CACNB3: variants seen among roughly 807,000 people sequenced by gnomAD.
CACNB3 encodes calcium voltage-gated channel auxiliary subunit beta 3.
A neutral mutation model predicts 63.7 loss-of-function variants in CACNB3; 36 were observed. The ratio of observed to expected loss-of-function variants is 0.57; its 90% CI spans 0.43 to 0.75. The LOEUF (loss-of-function observed/expected upper bound fraction) is 0.75. Ranked by LOEUF, CACNB3 falls within the 30% of genes least tolerant of loss-of-function variation. The pLI is 0.00. For synonymous variants in CACNB3, 241 were observed against 250.6 expected (o/e 0.96, Z 0.36); for missense variants, 493 against 648.6 (o/e 0.76, Z 2.61).
rs775878834 is a variant in CACNB3 at position 48,827,620 on chromosome 12, C to G, written c.1176C>G (p.His392Gln). The change falls in exon 13 of 13, where the codon CAC (histidine) becomes CAG (glutamine). Residue 392 changes from histidine (H) to glutamine (Q), a missense_variant. Physicochemically the swap from His to Gln is conservative, Grantham distance 24 (BLOSUM62 0). Coordinates refer to ENST00000301050, the MANE Select transcript of CACNB3 (RefSeq NM_000725.4). Reference sequence around the variant, plus strand: ...TGCTGGGGGAGCGTGGCGAGGAGCACTCCCCCCTTGAGCGGGACAGCTTGA... The same window carrying G: ...TGCTGGGGGAGCGTGGCGAGGAGCAGTCCCCCCTTGAGCGGGACAGCTTGA... ...QQLLGERGEE[H>Q]SPLERDSLMP... The G allele has an allele frequency of 2.3e-5, 37 of 1,613,394 alleles. No individual in the cohort carries two copies. Among genetic ancestry groups the G allele is most frequent in the South Asian group, 3.3e-5 (3 of 91,080 alleles).
Position 48,818,711 on chromosome 12 carries a change from G to T in CACNB3, c.-219G>T, listed in dbSNP as rs1382079713. On this transcript the variant is annotated 5_prime_UTR_variant, in exon 1 of 13. Transcript: ENST00000301050. This position sits in a 1 kb window ranked among gnomAD's most constrained non-coding sequence, Gnocchi z 4.3. ...CTCAGCCGCGCTCGGGGTGGGACCG[G>T]CTGGGTTTGGGGGGGTGGGGTGGGG... 1 of 1,268,604 alleles carries T rather than the reference G, an allele frequency of 7.9e-7. No individual in the cohort carries two copies. Among genetic ancestry groups the T allele is most frequent in the African/African-American group, 1.6e-5 (1 of 62,574 alleles). The allele number at this position is 1,268,604 out of a possible 1,614,324, so 78.6% of individuals were successfully genotyped here.
Position 48,825,246 on chromosome 12 carries a change from G to A in CACNB3, c.573+3G>A. On this transcript the variant is annotated splice_donor_region_variant and intron_variant, in intron 7 of 12. Transcript: ENST00000301050. This position sits in a 1 kb window ranked among gnomAD's most constrained non-coding sequence, Gnocchi z 4.5. ...GACCCTCTCTGAAAGGTTATGAGGT[G>A]AGAGGAGGTCCTTGACCCCAAAGAG... 6.2e-7 allele frequency: 1 copy of A among 1,613,626 alleles called. No homozygotes were observed. The highest frequency in any genetic ancestry group is 8.5e-7 in the Non-Finnish European group (1 of 1,179,694).
rs772619913 is a variant in CACNB3 at position 48,828,578 on chromosome 12, G to A, written c.*679G>A. The stretch of plus-strand genomic sequence containing the variant: ...AGCTTCTTAACATGTGACAGGACCA[G>A]GGACCAGGAGCATGGTGAAGCCAAG... On this transcript the variant is annotated 3_prime_UTR_variant, in exon 13 of 13. Coordinates refer to ENST00000301050, the MANE Select transcript of CACNB3 (RefSeq NM_000725.4). 2.5e-5 allele frequency: 11 copies of A among 435,402 alleles called. No individual in the cohort carries two copies. The highest frequency in any genetic ancestry group is 5.1e-5 in the Non-Finnish European group (11 of 216,080). 27.0% of individuals were successfully genotyped at this position (435,402 alleles called of 1,614,324 possible). A position where few individuals can be genotyped will look rare whatever the true frequency, so the allele number is the denominator to read the frequency against.
In CACNB3 at chr12:48,825,184, G is replaced by T; in HGVS notation, c.514G>T (p.Asp172Tyr). ...GCAGGCGGAACATGTTCCCCCATAT[G>T]ACGTGGTGCCCTCCATGCGGCCTGT... ...QKQAEHVPPY[D>Y]VVPSMRPVVL... Residue 172 changes from aspartate (D) to tyrosine (Y), a missense_variant, in exon 7 of 13, where the codon GAC becomes TAC. By Grantham distance (160) the Asp-to-Tyr change is radical. Transcript: ENST00000301050. This position sits in a 1 kb window ranked among gnomAD's most constrained non-coding sequence, Gnocchi z 4.5. 1 of 1,614,128 alleles carries T rather than the reference G, an allele frequency of 6.2e-7. No homozygotes were observed. The highest frequency in any genetic ancestry group is 8.5e-7 in the Non-Finnish European group (1 of 1,180,028).
At position 48,826,484 on chromosome 12, in the gene CACNB3, CCAT is replaced by C. The variant is rs1938145363; in HGVS notation, c.865_867del (p.Ile289del). ...CAGCTGGCCAAGACCTCGCTGGCCC[CCAT>C]CATCGTCTTTGTCAAAGTGTCCTCA... On this transcript the variant is annotated inframe_deletion, in exon 10 of 13. Coordinates refer to ENST00000301050, the MANE Select transcript of CACNB3 (RefSeq NM_000725.4). The surrounding 1 kb of genome is among the most constrained non-coding windows in gnomAD (Gnocchi z 4.8). 6.2e-7 allele frequency: 1 copy of C among 1,614,020 alleles called. No homozygotes were observed. The highest frequency in any genetic ancestry group is 8.5e-7 in the Non-Finnish European group (1 of 1,180,012).
chr12:48,826,615 T>C lies in CACNB3; in HGVS notation c.894+97T>C, dbSNP rs1938150091. The stretch of plus-strand genomic sequence containing the variant: ...CCCTGCCTGGGGCACCTGAGTTCCC[T>C]TTTCCTGCTGCCCTTAACACAACTC... On this transcript the variant is annotated intron_variant, in intron 10 of 12. Transcript: ENST00000301050. This position sits in a 1 kb window ranked among gnomAD's most constrained non-coding sequence, Gnocchi z 4.8. 6 of 1,506,958 alleles carry C rather than the reference T, an allele frequency of 4.0e-6. No individual in the cohort carries two copies. The highest frequency in any genetic ancestry group is 5.5e-6 in the Non-Finnish European group (6 of 1,087,536). The allele number at this position is 1,506,958 out of a possible 1,614,324, so 93.3% of individuals were successfully genotyped here.
chr12:48,819,955 C>T (rs925731831), intron 1 of CACNB3: 1 of 286,810 alleles, frequency 3.5e-6, no homozygotes, highest in South Asian at 3.0e-5. Flanking sequence ...AAGAAGGCCT[C>T]CTTAGGAGTG....
chr12:48,825,726 C>A lies in CACNB3; in HGVS notation c.699C>A (p.Gly233=). ...LAKRSVLNNP[G]KRTIIERSSA... ...AGCGATCTGTGCTCAACAATCCGGG[C>A]AAGAGGACCATCATTGAGCGCTCCT... Residue 233 remains glycine, a synonymous_variant, in exon 9 of 13, where the codon GGC becomes GGA. Coordinates refer to ENST00000301050, the MANE Select transcript of CACNB3 (RefSeq NM_000725.4). This position sits in a 1 kb window ranked among gnomAD's most constrained non-coding sequence, Gnocchi z 4.5. The A allele has an allele frequency of 6.2e-7, 1 of 1,614,202 alleles. No individual in the cohort carries two copies. Among genetic ancestry groups the A allele is most frequent in the African/African-American group, 1.3e-5 (1 of 75,070 alleles).
upstream of CACNB3, chr12:48,818,439 A>G: frequency 7.1e-6 from 7 of 986,600 alleles, no homozygotes; most frequent in Non-Finnish European, 8.4e-6. The surrounding 1 kb of genome is among the most constrained non-coding windows in gnomAD (Gnocchi z 4.3). Flanking sequence ...CTGTCTCCGC[A>G]TCTCTCCTCG....
At position 48,827,752 on chromosome 12, in the gene CACNB3, G is replaced by A. The variant is rs1421065507; in HGVS notation, c.1308G>A (p.Leu436=). The A allele has an allele frequency of 1.2e-5, 20 of 1,614,040 alleles. No individual in the cohort carries two copies. The highest frequency in any genetic ancestry group is 1.5e-5 in the Non-Finnish European group (18 of 1,180,038). The change falls in exon 13 of 13, where the codon CTG becomes CTA. Residue 436 remains leucine (L), a synonymous_variant. Coordinates refer to ENST00000301050, the MANE Select transcript of CACNB3 (RefSeq NM_000725.4). ...EEDYADAYQD[L]YQPHRQHTSG... is the part of the protein sequence containing the mutation. ...ACTATGCAGATGCCTACCAGGACCTGTACCAGCCTCACCGCCAACACACCT... is the reference window on the plus strand; with the variant it reads ...ACTATGCAGATGCCTACCAGGACCTATACCAGCCTCACCGCCAACACACCT...
At position 48,828,814 on chromosome 12, in the gene CACNB3, G is replaced by C. The variant is rs771811307; in HGVS notation, c.*915G>C. On this transcript the variant is annotated 3_prime_UTR_variant, in exon 13 of 13. Transcript: ENST00000301050. ...GTTAGGTTAGGGTTAGATGGGGAGA[G>C]ACAGGGCACAGAGGACCTGTCTCCC... 7 of 455,794 alleles carry C rather than the reference G, an allele frequency of 1.5e-5. No individual in the cohort carries two copies. Among genetic ancestry groups the C allele is most frequent in the Non-Finnish European group, 2.2e-5 (5 of 226,514 alleles). The allele number at this position is 455,794 out of a possible 1,614,324, so 28.2% of individuals were successfully genotyped here.
upstream of CACNB3, chr12:48,818,454 G>T (rs1592180886): frequency 4.7e-5 from 46 of 988,966 alleles, no homozygotes; most frequent in Non-Finnish European, 5.5e-5. The surrounding 1 kb of genome is among the most constrained non-coding windows in gnomAD (Gnocchi z 4.3). Flanking sequence ...TCCTCGCCCC[G>T]CCTCCTCCCT....
Position 48,818,642 on chromosome 12 carries a change from T to C in CACNB3, c.-288T>C. On this transcript the variant is annotated 5_prime_UTR_variant, in exon 1 of 13. Coordinates refer to ENST00000301050, the MANE Select transcript of CACNB3 (RefSeq NM_000725.4). The surrounding 1 kb of genome is among the most constrained non-coding windows in gnomAD (Gnocchi z 4.3). ...CCCCCGCCTTCTCCCGGGGAGGGGG[T>C]CAGGTGGGCGGGCACTATTGTTGTA... 1.8e-6 allele frequency: 2 copies of C among 1,108,302 alleles called. No homozygotes were observed. The highest frequency in any genetic ancestry group is 5.6e-5 in the Admixed American group (1 of 17,830). The allele number at this position is 1,108,302 out of a possible 1,614,324, so 68.7% of individuals were successfully genotyped here.
upstream of CACNB3, chr12:48,817,133 C>G: frequency 2.5e-6 from 1 of 401,728 alleles, no homozygotes; most frequent in South Asian, 1.0e-4. Flanking sequence ...AGTTGTTTGT[C>G]AAACCCAGCA....
At chr12:48,814,487 C>T, upstream of CACNB3, 1 of 1,530,316 alleles carries the variant, frequency 6.5e-7, no homozygotes, top group Non-Finnish European at 8.7e-7. This position sits in a 1 kb window ranked among gnomAD's most constrained non-coding sequence, Gnocchi z 6.9. Context: ...TCTGTACTCC[C>T]TGCTGCCCAG....
rs1284373740 is a variant in CACNB3, at chr12:48,818,920, G to A, written c.-10G>A. 11 of 1,579,538 alleles carry A rather than the reference G, an allele frequency of 7.0e-6. No homozygotes were observed. The highest frequency in any genetic ancestry group is 2.3e-5 in the South Asian group (2 of 86,036). ...CCGGCGCCGCTCGCTCCCCCGACCC[G>A]GACTCCCCCATGTATGACGACTCCT... On this transcript the variant is annotated 5_prime_UTR_variant, in exon 1 of 13. Transcript: ENST00000301050. This position sits in a 1 kb window ranked among gnomAD's most constrained non-coding sequence, Gnocchi z 4.3.
At chr12:48,814,640 T>C (rs1565660480), upstream of CACNB3, 4 of 1,333,600 alleles carry the variant, frequency 3.0e-6, no homozygotes, top group Non-Finnish European at 2.0e-6. The surrounding 1 kb of genome is among the most constrained non-coding windows in gnomAD (Gnocchi z 6.9). Context: ...GCCTGGGGTC[T>C]CCTACTGGGG....
chr12:48,818,709 C>G lies in CACNB3; in HGVS notation c.-221C>G. 2.6e-6 allele frequency: 1 copy of G among 387,734 alleles called. No homozygotes were observed. Among genetic ancestry groups the G allele is most frequent in the Non-Finnish European group, 3.9e-6 (1 of 259,344 alleles). 24.0% of individuals were successfully genotyped at this position (387,734 alleles called of 1,614,324 possible). Reference sequence around the variant, plus strand: ...TCCTCAGCCGCGCTCGGGGTGGGACCGGCTGGGTTTGGGGGGGTGGGGTGG... The same window carrying G: ...TCCTCAGCCGCGCTCGGGGTGGGACGGGCTGGGTTTGGGGGGGTGGGGTGG... On this transcript the variant is annotated 5_prime_UTR_variant, in exon 1 of 13. Transcript: ENST00000301050. The surrounding 1 kb of genome is among the most constrained non-coding windows in gnomAD (Gnocchi z 4.3).
chr12:48,825,526 C>T lies in CACNB3; in HGVS notation c.632+34C>T, dbSNP rs1176640560. On this transcript the variant is annotated intron_variant, in intron 8 of 12. Transcript: ENST00000301050. This position sits in a 1 kb window ranked among gnomAD's most constrained non-coding sequence, Gnocchi z 4.5. Reference sequence around the variant, plus strand: ...CCCTGGCCTGAGGTGGCCTGAGAACCAAGGAGAAGCTCATGGCCTACTTCC... The same window carrying T: ...CCCTGGCCTGAGGTGGCCTGAGAACTAAGGAGAAGCTCATGGCCTACTTCC... 1 of 1,611,334 alleles carries T rather than the reference C, an allele frequency of 6.2e-7. No homozygotes were observed. The highest frequency in any genetic ancestry group is 1.1e-5 in the South Asian group (1 of 91,024).
Sources: gnomAD v4.1 joint callset for allele counts on GRCh38, gnomAD v4.1.1 for gene constraint, Gnocchi (gnomAD v3.1) non-coding constraint, MANE v1.5 for transcripts, NCBI Gene and HGNC (gene_info 2026-07-23, HGNC 2026-07-21) for gene names.